Variants in IRS1 observed in about 807,000 individuals in gnomAD.
IRS1 encodes insulin receptor substrate 1.
Under a neutral mutation model 65.6 loss-of-function variants are expected in IRS1, and 34 were observed. The observed-to-expected ratio is 0.52, with a 90% CI of 0.39 to 0.69. IRS1 has a LOEUF of 0.69. Ranked by LOEUF, IRS1 falls within the 30% of genes least tolerant of loss-of-function variation. The pLI, the probability that IRS1 is intolerant of heterozygous loss-of-function variation, is 0.00. For synonymous variants in IRS1, 699 were observed against 683.5 expected (o/e 1.02, Z -0.35); for missense variants, 1,641 against 1,720.2 (o/e 0.95, Z 0.81).
chr2:226,797,858 G>C lies in IRS1; in HGVS notation c.881C>G (p.Pro294Arg). The change falls in exon 1 of 2, where the codon CCC (proline) becomes CGC (arginine). Residue 294 changes from proline (P) to arginine (R), a missense_variant. Pro to Arg is a moderately radical substitution (Grantham distance 103). This residue lies in a region of IRS1 where 1,324 missense variants were observed against 1,361.0 expected (regional missense o/e 0.97). Coordinates refer to ENST00000305123, the MANE Select transcript of IRS1 (RefSeq NM_005544.3). This position sits in a 1 kb window ranked among gnomAD's most constrained non-coding sequence, Gnocchi z 8.1. The part of the protein sequence containing the change: ...LRRHHLNNPP[P>R]SQVGLTRRSR... Reference sequence around the variant, plus strand: ...TCGGCGGGTCAGCCCCACCTGGCTGGGCGGGGGATTGTTGAGATGGTGCCG... The same window carrying C: ...TCGGCGGGTCAGCCCCACCTGGCTGCGCGGGGGATTGTTGAGATGGTGCCG... The C allele has an allele frequency of 6.2e-7, 1 of 1,601,938 alleles. No individual in the cohort carries two copies. Among genetic ancestry groups the C allele is most frequent in the Non-Finnish European group, 8.5e-7 (1 of 1,175,650 alleles).
At chr2:226,755,291 C>T (rs760692623) in intron 1 of IRS1, among the ~76,000 whole-genome samples, 1 of 152,194 alleles carries the variant, frequency 6.6e-6, no homozygotes, top group Non-Finnish European at 1.5e-5. Flanking sequence ...CATCTCGCCT[C>T]CCAGTGTTTA....
In IRS1 at chr2:226,798,881, C is replaced by G; in HGVS notation, c.-143G>C. ...CCCCGACTCTGAAATCCACGCCGCC[C>G]CCCGCGCCGGGGAGGGGCAGCTGAA... is the stretch of plus-strand genomic sequence containing the variant. On this transcript the variant is annotated 5_prime_UTR_variant, in exon 1 of 2. Coordinates refer to ENST00000305123, the MANE Select transcript of IRS1 (RefSeq NM_005544.3). The surrounding 1 kb of genome is among the most constrained non-coding windows in gnomAD (Gnocchi z 9.4). 3 of 1,520,042 alleles carry G rather than the reference C, an allele frequency of 2.0e-6. No individual in the cohort carries two copies. Among genetic ancestry groups the G allele is most frequent in the Non-Finnish European group, 2.7e-6 (3 of 1,130,664 alleles). The allele number at this position is 1,520,042 out of a possible 1,614,324, so 94.2% of individuals were successfully genotyped here.
At position 226,796,447 on chromosome 2, in the gene IRS1, G is replaced by A. The variant is rs774056763; in HGVS notation, c.2292C>T (p.Tyr764=). 12 of 1,613,716 alleles carry A rather than the reference G, an allele frequency of 7.4e-6. No homozygotes were observed. The South Asian group carries it at 1.1e-4, about 15-fold the overall frequency. ...GCTTAAAGGATCTTGGCAATGAGTA[G>A]TAGGAGAGGACTGGCTTGTGCTGGG... ...EDPQHKPVLS[Y]YSLPRSFKHT... The change falls in exon 1 of 2, where the codon TAC becomes TAT. Residue 764 remains tyrosine (Y), a synonymous_variant. Coordinates refer to ENST00000305123, the MANE Select transcript of IRS1 (RefSeq NM_005544.3).
chr2:226,795,005 T>C lies in IRS1; in HGVS notation c.*5A>G, dbSNP rs547405267. The stretch of plus-strand genomic sequence containing the variant: ...GAAACGCACCTGCTGTGATGTCCAG[T>C]TGAGCTACTGACGGTCCTCTGGCTG... On this transcript the variant is annotated 3_prime_UTR_variant, in exon 1 of 2. Coordinates refer to ENST00000305123, the MANE Select transcript of IRS1 (RefSeq NM_005544.3). 1 of 1,613,330 alleles carries C rather than the reference T, an allele frequency of 6.2e-7. No individual in the cohort carries two copies. The highest frequency in any genetic ancestry group is 2.2e-5 in the East Asian group (1 of 44,878).
intron 1 of IRS1, among the ~76,000 whole-genome samples, chr2:226,758,763 A>C (rs1418487325): frequency 6.6e-6 from 1 of 152,152 alleles, no homozygotes. Context: ...AAAAGGTGTC[A>C]GTGAAGGGAT....
chr2:226,799,514 A>G lies in IRS1; in HGVS notation c.-776T>C. ...CTGCAGCTGGGGACCGGCCGGAGGG[A>G]CAGACTCATCCCTGCCCCTCGCTCC... On this transcript the variant is annotated 5_prime_UTR_variant, in exon 1 of 2. Transcript: ENST00000305123. This position sits in a 1 kb window ranked among gnomAD's most constrained non-coding sequence, Gnocchi z 6.1. 8.9e-7 allele frequency: 1 copy of G among 1,127,974 alleles called. No homozygotes were observed. Among genetic ancestry groups the G allele is most frequent in the Non-Finnish European group, 1.1e-6 (1 of 902,086 alleles). The allele number at this position is 1,127,974 out of a possible 1,614,324, so 69.9% of individuals were successfully genotyped here.
intron 1 of IRS1, among the ~76,000 whole-genome samples, chr2:226,791,551 C>T (rs1178336763): frequency 6.6e-6 from 1 of 152,144 alleles, no homozygotes; most frequent in Non-Finnish European, 1.5e-5. Context: ...TCGGCGGGCG[C>T]GGTGCAGAGG....
In IRS1 at chr2:226,792,695, G is replaced by T. The variant is rs191834082; in HGVS notation, c.*21+2294C>A. 1.5e-3 allele frequency among the ~76,000 whole-genome samples: 228 copies of T among 152,322 alleles called. 2 individuals are homozygous for T. Among genetic ancestry groups the T allele is most frequent in the African/African-American group, 5.2e-3 (216 of 41,566 alleles). ...CCTCTATTCCTTTCACCGAGTCTCA[G>T]GTTTTACCTGAGAAATGAGGAAAAG... On this transcript the variant is annotated intron_variant, in intron 1 of 1. Transcript: ENST00000305123.
At chr2:226,766,921 T>A (rs956802503) in intron 1 of IRS1, among the ~76,000 whole-genome samples, 1 of 151,366 alleles carries the variant, frequency 6.6e-6, no homozygotes, top group African/African-American at 2.4e-5. Flanking sequence ...ACAAGAATGA[T>A]CACAGAATTA....
rs563439240 is a variant in IRS1, at chr2:226,732,011, A to T, written c.*4261T>A. ...AGATCTTTTGGTGTATACGTCACAAATGGCAAGTCATACACAAACTAGAAA... is the reference window on the plus strand; with the variant it reads ...AGATCTTTTGGTGTATACGTCACAATTGGCAAGTCATACACAAACTAGAAA... On this transcript the variant is annotated 3_prime_UTR_variant, in exon 2 of 2. Coordinates refer to ENST00000305123, the MANE Select transcript of IRS1 (RefSeq NM_005544.3). 2.6e-5 allele frequency: 4 copies of T among 152,310 alleles called. No individual in the cohort carries two copies. The South Asian group carries it at 8.3e-4, about 32-fold the overall frequency. 9.4% of individuals were successfully genotyped at this position (152,310 alleles called of 1,614,324 possible).
At chr2:226,736,705 T>C (rs1938332485) in intron 1 of IRS1, among the ~76,000 whole-genome samples, 1 of 152,160 alleles carries the variant, frequency 6.6e-6, no homozygotes, top group African/African-American at 2.4e-5. Flanking sequence ...AAATCGGAAA[T>C]CAATTTTTCA....
rs555852078 is a variant in IRS1, at chr2:226,780,396, A to C, written c.*21+14593T>G. 1.4e-4 allele frequency among the ~76,000 whole-genome samples: 21 copies of C among 152,338 alleles called. No homozygotes were observed. The East Asian group carries it at 4.1e-3, about 29-fold the overall frequency. On this transcript the variant is annotated intron_variant, in intron 1 of 1. Transcript: ENST00000305123. ...AACAGCATGATATTCCATGTCAAAT[A>C]AACAAATTAATTAAATTAAATTAAA...
intron 1 of IRS1, among the ~76,000 whole-genome samples, chr2:226,764,664 A>G (rs533184385): frequency 6.6e-6 from 1 of 152,350 alleles, no homozygotes; most frequent in Admixed American, 6.5e-5. Flanking sequence ...AGAATTAAAG[A>G]GGGTGACATT....
chr2:226,752,189 C>T (rs891389916), intron 1 of IRS1, among the ~76,000 whole-genome samples: 2 of 151,996 alleles, frequency 1.3e-5, no homozygotes, highest in Non-Finnish European at 1.5e-5. Flanking sequence ...AGAAAGATCC[C>T]GAAGCAGCAC....
chr2:226,782,350 A>G (rs1939400356), intron 1 of IRS1, among the ~76,000 whole-genome samples: 1 of 152,232 alleles, frequency 6.6e-6, no homozygotes, highest in Non-Finnish European at 1.5e-5. Context: ...AGCTGGGTGA[A>G]GAGTTAACTA....
chr2:226,760,185 T>A (rs184351945), intron 1 of IRS1, among the ~76,000 whole-genome samples: 63 of 152,142 alleles, frequency 4.1e-4, no homozygotes, highest in East Asian at 1.2e-3. Flanking sequence ...AGAAAAAAAA[T>A]AATAATAATA....
chr2:226,791,659 G>A (rs1225081261), intron 1 of IRS1, among the ~76,000 whole-genome samples: 3 of 151,496 alleles, frequency 2.0e-5, no homozygotes, highest in South Asian at 2.2e-4. Context: ...CACCGCCAGG[G>A]GACCCGCGGA....
rs187693399 is a variant in IRS1 at position 226,762,219 on chromosome 2, G to T, written c.*22-25969C>A. Reference sequence around the variant, plus strand: ...ATATGCTCTATCACTATTCAGGGGTGGCATCCTCACTTGGAATCTCTGGCC... The same window carrying T: ...ATATGCTCTATCACTATTCAGGGGTTGCATCCTCACTTGGAATCTCTGGCC... On this transcript the variant is annotated intron_variant, in intron 1 of 1. Transcript: ENST00000305123. 1.2e-3 allele frequency among the ~76,000 whole-genome samples: 187 copies of T among 152,184 alleles called. 1 individual carries two copies. The highest frequency in any genetic ancestry group is 6.8e-3 in the Middle Eastern group (2 of 294).
rs543453938 is a variant in IRS1 at position 226,735,280 on chromosome 2, C to A, written c.*992G>T. On this transcript the variant is annotated 3_prime_UTR_variant, in exon 2 of 2. Coordinates refer to ENST00000305123, the MANE Select transcript of IRS1 (RefSeq NM_005544.3). ...GAAAGACATTTCCAGAATTTACAAACGCCCACATTGTTCATTCCAAAGAGA... is the reference window on the plus strand; with the variant it reads ...GAAAGACATTTCCAGAATTTACAAAAGCCCACATTGTTCATTCCAAAGAGA... 1 of 152,140 alleles carries A rather than the reference C, an allele frequency of 6.6e-6. No individual in the cohort carries two copies. The highest frequency in any genetic ancestry group is 2.4e-5 in the African/African-American group (1 of 41,434). 9.4% of individuals were successfully genotyped at this position (152,140 alleles called of 1,614,324 possible). A position where few individuals can be genotyped will look rare whatever the true frequency, so the allele number is the denominator to read the frequency against.
Sources: allele counts gnomAD v4.1 joint callset (sites outside exome capture counted in the v4.1 genomes callset), GRCh38; gene constraint gnomAD v4.1.1; regional missense constraint gnomAD v4.1.1; non-coding constraint Gnocchi (gnomAD v3.1); transcripts MANE v1.5; gene names NCBI Gene and HGNC (gene_info 2026-07-23, HGNC 2026-07-21).